The following IL36G variants were observed in gnomAD, a reference collection of about 807,000 sequenced individuals.
The protein encoded by IL36G is interleukin 36 gamma, also known as interleukin-36 gamma.
IL36G carries 10 observed loss-of-function variants against 13.5 expected under a neutral mutation model. That is an observed-to-expected ratio of 0.74 (90% CI 0.46 to 1.26). IL36G has a LOEUF of 1.26. Among genes scored for constraint, IL36G ranks in the 50% most tolerant of loss-of-function variants. The pLI, the probability that IL36G is intolerant of heterozygous loss-of-function variation, is 0.00. For missense variants in IL36G, 199 were observed against 203.0 expected, an observed-to-expected ratio of 0.98 and a Z score of 0.12; for synonymous variants, 84 against 74.0, an observed-to-expected ratio of 1.13 and a Z score of -0.69.
At chr2:112,981,721 G>A (rs1214892702) in intron 4 of IL36G, among the ~76,000 whole-genome samples, 1 of 151,718 alleles carries the variant, frequency 6.6e-6, no homozygotes, top group Non-Finnish European at 1.5e-5. Flanking sequence ...TAAAATTTTG[G>A]TGTTGCATCT....
At chr2:112,981,154 G>C (rs1684254183) in intron 4 of IL36G, 2 of 1,091,140 alleles carry the variant, frequency 1.8e-6, no homozygotes, top group Non-Finnish European at 2.8e-6. Context: ...TATCAAAAAT[G>C]CACACACTAC....
In IL36G at chr2:112,984,200, T is replaced by C. The variant is rs542274352; in HGVS notation, c.301-640T>C. ...GTGTCTCTCTTGAGATCTTGAACAC[T>C]TGCAATTTACTTAGAAATACTTATT... On this transcript the variant is annotated intron_variant, in intron 4 of 4. Coordinates refer to ENST00000259205, the MANE Select transcript of IL36G (RefSeq NM_019618.4). Among the ~76,000 whole-genome samples, 7 of 152,358 alleles carry C rather than the reference T, an allele frequency of 4.6e-5. No homozygotes were observed. The South Asian group carries it at 1.2e-3, about 27-fold the overall frequency.
chr2:112,978,886 T>C (rs1434489445), intron 2 of IL36G, among the ~76,000 whole-genome samples, 193 bp downstream of exon 2: 2 of 152,134 alleles, frequency 1.3e-5, no homozygotes, highest in Non-Finnish European at 2.9e-5. Context: ...CCAGCTCCAG[T>C]CCCCAGCACC....
intron 2 of IL36G, 26 bp from the exon 3 acceptor site, chr2:112,979,195 C>T: frequency 1.4e-6 from 2 of 1,410,318 alleles, no homozygotes; most frequent in Non-Finnish European, 2.0e-6. Context: ...AATATTTCTT[C>T]ATTTTTTTCT....
chr2:112,982,194 C>T (rs545885865), intron 4 of IL36G, among the ~76,000 whole-genome samples: 41 of 152,262 alleles, frequency 2.7e-4, no homozygotes, highest in Admixed American at 2.4e-3. Context: ...ACACAGGCGG[C>T]GTCAGGCTGC....
intron 4 of IL36G, chr2:112,981,098 A>G (rs1320488310): frequency 2.6e-6 from 2 of 782,126 alleles, no homozygotes; most frequent in East Asian, 2.4e-5. Context: ...ATAAAACTTG[A>G]TAAAAAATAG....
rs1684335507 is a variant in IL36G at position 112,985,508 on chromosome 2, A to T, written c.*459A>T. On this transcript the variant is annotated 3_prime_UTR_variant, in exon 5 of 5. Coordinates refer to ENST00000259205, the MANE Select transcript of IL36G (RefSeq NM_019618.4). ...TTGCCAATATACCTCATTGTGTGTA[A>T]TAGAACCTTCTTAGCATTAAGACCT... The T allele has an allele frequency of 6.3e-6, 1 of 157,528 alleles. No homozygotes were observed. Among genetic ancestry groups the T allele is most frequent in the African/African-American group, 2.4e-5 (1 of 41,512 alleles). The allele number at this position is 157,528 out of a possible 1,614,324, so 9.8% of individuals were successfully genotyped here. A position where few individuals can be genotyped will look rare whatever the true frequency, so the allele number is the denominator to read the frequency against.
intron 4 of IL36G, among the ~76,000 whole-genome samples, chr2:112,983,505 A>G (rs1684303104): frequency 6.6e-6 from 1 of 152,142 alleles, no homozygotes; most frequent in Admixed American, 6.5e-5. Context: ...AGTTCTCCCC[A>G]AGGAGGAGAC....
rs1297368044 is a variant in IL36G, at chr2:112,985,518, C to CTTAGCA, written c.*473_*478dup. On this transcript the variant is annotated 3_prime_UTR_variant, in exon 5 of 5. Coordinates refer to ENST00000259205, the MANE Select transcript of IL36G (RefSeq NM_019618.4). Reference sequence around the variant, plus strand: ...ACCTCATTGTGTGTAATAGAACCTTCTTAGCATTAAGACCTTGTAAACAAA... The same window carrying CTTAGCA: ...ACCTCATTGTGTGTAATAGAACCTTCTTAGCATTAGCATTAAGACCTTGTAAACAAA... 1.8e-4 allele frequency: 28 copies of CTTAGCA among 155,954 alleles called. No individual in the cohort carries two copies. The highest frequency in any genetic ancestry group is 1.7e-3 in the Admixed American group (28 of 16,258). The allele number at this position is 155,954 out of a possible 1,614,324, so 9.7% of individuals were successfully genotyped here.
At chr2:112,979,862 T>TGAATGA in intron 3 of IL36G, 147 bp from the exon 4 acceptor site, 17 of 647,516 alleles carry the variant, frequency 2.6e-5, no homozygotes, top group Non-Finnish European at 4.2e-5. Context: ...AATGAATGAA[T>TGAATGA]ATGGGGGTTG....
At chr2:112,982,497 T>C (rs1684281458) in intron 4 of IL36G, among the ~76,000 whole-genome samples, 1 of 152,178 alleles carries the variant, frequency 6.6e-6, no homozygotes, top group African/African-American at 2.4e-5. Flanking sequence ...TCTCTGGAGA[T>C]CTTAGACTGT....
chr2:112,979,845 A>ATGAATGAG (rs1333599923), intron 3 of IL36G, among the ~76,000 whole-genome samples, 164 bp from the exon 4 acceptor site: 1 of 151,664 alleles, frequency 6.6e-6, no homozygotes, highest in Non-Finnish European at 1.5e-5. Context: ...GTATGAATGA[A>ATGAATGAG]TGAATGAATG....
At chr2:112,979,113 C>T in intron 2 of IL36G, 108 bp from the exon 3 acceptor site, 1 of 697,638 alleles carries the variant, frequency 1.4e-6, no homozygotes, top group South Asian at 1.8e-5. Context: ...GGATGCAAAC[C>T]CCACACCTTC....
chr2:112,982,510 C>T lies in IL36G; in HGVS notation c.301-2330C>T, dbSNP rs568876604. ...TCTCTCTGGAGATCTTAGACTGTGG[C>T]GGGCAAAGGTGAAAGTCCTTCAGGA... On this transcript the variant is annotated intron_variant, in intron 4 of 4. Transcript: ENST00000259205. Among the ~76,000 whole-genome samples, 12 of 152,154 alleles carry T rather than the reference C, an allele frequency of 7.9e-5. No individual in the cohort carries two copies. In the South Asian group the frequency reaches 1.0e-3, roughly 13 times the overall value.
At chr2:112,981,206 GT>G in intron 4 of IL36G, 1 of 1,282,296 alleles carries the variant, frequency 7.8e-7, no homozygotes. Flanking sequence ...TGCCTTCCCT[GT>G]TTTGGCATCT....
intron 3 of IL36G, 21 bp downstream of exon 3, chr2:112,979,346 T>A: frequency 7.1e-7 from 1 of 1,401,866 alleles, no homozygotes; most frequent in Non-Finnish European, 1.0e-6. Flanking sequence ...ACCCTGTGCC[T>A]TCCCCACTGT....
chr2:112,982,924 T>C (rs540446359), intron 4 of IL36G, among the ~76,000 whole-genome samples: 1 of 152,238 alleles, frequency 6.6e-6, no homozygotes, highest in East Asian at 1.9e-4. Flanking sequence ...AAAGTGGAAC[T>C]GGTGGCGGTG....
At chr2:112,978,315 G>T (rs765869468) in intron 1 of IL36G, among the ~76,000 whole-genome samples, 3 of 152,224 alleles carry the variant, frequency 2.0e-5, no homozygotes, top group Non-Finnish European at 2.9e-5. Context: ...TCAGAGAAGA[G>T]GAGTCAGGGC....
At chr2:112,984,688 G>C in intron 4 of IL36G, 152 bp from the exon 5 acceptor site, 1 of 651,614 alleles carries the variant, frequency 1.5e-6, no homozygotes, top group Non-Finnish European at 2.7e-6. Flanking sequence ...TTACTCTGCT[G>C]CTCCTTCAAA....
Sources: gnomAD v4.1 joint callset for allele counts (sites outside exome capture counted in the v4.1 genomes callset) on GRCh38, gnomAD v4.1.1 for gene constraint, MANE v1.5 for transcripts, NCBI Gene and HGNC (gene_info 2026-07-23, HGNC 2026-07-21) for gene names.